The following DSCAML1 variants were observed in gnomAD, a reference collection of about 807,000 sequenced individuals.
The protein encoded by DSCAML1 is DS cell adhesion molecule like 1, also known as cell adhesion molecule DSCAML1.
DSCAML1 carries 38 observed loss-of-function variants against 200.5 expected under a neutral mutation model. That is an observed-to-expected ratio of 0.19 (90% CI 0.15 to 0.25). The LOEUF (loss-of-function observed/expected upper bound fraction) is 0.25, where lower values mean the gene tolerates loss of function less well. Among genes scored for constraint, DSCAML1 ranks in the 10% least tolerant of loss-of-function variants. The pLI, the probability that DSCAML1 is intolerant of heterozygous loss-of-function variation, is 1.00. For synonymous variants in DSCAML1, 1,215 were observed against 1,165.0 expected, an observed-to-expected ratio of 1.04 and a Z score of -0.87; for missense variants, 2,223 against 2,858.8, an observed-to-expected ratio of 0.78 and a Z score of 5.07.
In DSCAML1 at chr11:117,493,528, G is replaced by A. The variant is rs759022532; in HGVS notation, c.2359+10317C>T. ...ATGGGGTTTCACCATGTTGGCCAGG[G>A]TGGTCTCCATCTCCTGACCTCGTGA... On this transcript the variant is annotated intron_variant, in intron 11 of 32. Coordinates refer to ENST00000651296, the MANE Select transcript of DSCAML1 (RefSeq NM_020693.4). Among the ~76,000 whole-genome samples the A allele has an allele frequency of 1.1e-4, 16 of 151,966 alleles. 1 individual carries two copies. Among genetic ancestry groups the A allele is most frequent in the East Asian group, 7.7e-4 (4 of 5,170 alleles).
chr11:117,501,071 T>G (rs1365229012), intron 11 of DSCAML1, among the ~76,000 whole-genome samples: 1 of 152,166 alleles, frequency 6.6e-6, no homozygotes, highest in Non-Finnish European at 1.5e-5. Flanking sequence ...GAGGAATGGT[T>G]TCTCCTGCTG....
chr11:117,726,109 C>T (rs1029859217), intron 3 of DSCAML1, among the ~76,000 whole-genome samples: 4 of 152,202 alleles, frequency 2.6e-5, no homozygotes, highest in Admixed American at 1.3e-4. Context: ...AGAAGCAGGA[C>T]GAAGTGGGAA....
intron 3 of DSCAML1, among the ~76,000 whole-genome samples, chr11:117,563,976 T>C (rs956752456): frequency 6.6e-6 from 1 of 151,892 alleles, no homozygotes; most frequent in Non-Finnish European, 1.5e-5. Flanking sequence ...CAAGGAGAGG[T>C]GGTGAAAGTG....
chr11:117,665,949 A>T (rs771368680), intron 3 of DSCAML1, among the ~76,000 whole-genome samples: 3 of 152,156 alleles, frequency 2.0e-5, no homozygotes, highest in Non-Finnish European at 2.9e-5. Context: ...GGCACACACA[A>T]CACCAAACAC....
intron 3 of DSCAML1, among the ~76,000 whole-genome samples, chr11:117,636,004 G>A (rs2052274947): frequency 6.6e-6 from 1 of 152,092 alleles, no homozygotes; most frequent in African/African-American, 2.4e-5. Flanking sequence ...ATGCAACTGA[G>A]CTGTGTTCAG....
intron 18 of DSCAML1, among the ~76,000 whole-genome samples, chr11:117,459,940 AAGG>A (rs2048446488): frequency 6.6e-6 from 1 of 152,242 alleles, no homozygotes; most frequent in South Asian, 2.1e-4. Context: ...CAGGTCAGTG[AAGG>A]AGGACCCTCG....
chr11:117,783,316 T>C (rs1449707209), intron 1 of DSCAML1, among the ~76,000 whole-genome samples: 3 of 152,154 alleles, frequency 2.0e-5, no homozygotes, highest in South Asian at 2.1e-4. Flanking sequence ...AGACTCTACA[T>C]TGTGCCTGTA....
At chr11:117,809,969 TCA>T (rs746206517) in intron 1 of DSCAML1, among the ~76,000 whole-genome samples, 24 of 146,512 alleles carry the variant, frequency 1.6e-4, no homozygotes, top group African/African-American at 4.8e-4. Flanking sequence ...ACTCACACAT[TCA>T]CACACACTCA....
chr11:117,633,220 G>A (rs1383015835), intron 3 of DSCAML1, among the ~76,000 whole-genome samples: 1 of 152,104 alleles, frequency 6.6e-6, no homozygotes, highest in Admixed American at 6.5e-5. Flanking sequence ...GACAGTGTGT[G>A]TCTCTCTGTG....
chr11:117,727,281 G>A (rs977584915), intron 3 of DSCAML1, among the ~76,000 whole-genome samples: 15 of 152,172 alleles, frequency 9.9e-5, no homozygotes, highest in African/African-American at 3.4e-4. Context: ...AATTAGTCCC[G>A]TGAATCACTG....
intron 3 of DSCAML1, among the ~76,000 whole-genome samples, chr11:117,761,515 C>G (rs1269943260): frequency 6.6e-6 from 1 of 152,248 alleles, no homozygotes; most frequent in Admixed American, 6.5e-5. Context: ...TTTATTCTTA[C>G]TGCTATGTGA....
Position 117,444,026 on chromosome 11 carries a change from T to C in DSCAML1, c.3722A>G (p.Tyr1241Cys). Residue 1241 changes from tyrosine (Y) to cysteine (C), a missense_variant, in exon 21 of 33, where the codon TAC becomes TGC. Around this residue, in one of 7 missense-constraint regions of DSCAML1, gnomAD observed 614 missense variants for 739.1 expected, o/e 0.83. Coordinates refer to ENST00000651296, the MANE Select transcript of DSCAML1 (RefSeq NM_020693.4). Reference protein sequence around the residue: ...PGSGQPAPSEYETSPEQLFYR... With the variant: ...PGSGQPAPSECETSPEQLFYR... Reference sequence around the variant, plus strand: ...GAAGAGCTGCTCTGGACTCGTCTCGTACTCGCTGGGAGCCTGCGGGGCAGA... The same window carrying C: ...GAAGAGCTGCTCTGGACTCGTCTCGCACTCGCTGGGAGCCTGCGGGGCAGA... 6.2e-7 allele frequency: 1 copy of C among 1,612,656 alleles called. No homozygotes were observed. The highest frequency in any genetic ancestry group is 8.5e-7 in the Non-Finnish European group (1 of 1,179,084).
At chr11:117,777,035 C>A in intron 2 of DSCAML1, 98 bp from the exon 3 acceptor site, 1 of 1,288,408 alleles carries the variant, frequency 7.8e-7, no homozygotes, top group African/African-American at 1.5e-5. Flanking sequence ...CCCTCTGCTC[C>A]TTCAGCCTCA....
chr11:117,604,287 T>A (rs1396682522), intron 3 of DSCAML1, among the ~76,000 whole-genome samples: 1 of 151,382 alleles, frequency 6.6e-6, no homozygotes. Flanking sequence ...TTATGAGAAG[T>A]GGCCCAACAC....
chr11:117,621,188 C>T (rs987264210), intron 3 of DSCAML1, among the ~76,000 whole-genome samples: 2 of 152,208 alleles, frequency 1.3e-5, no homozygotes, highest in African/African-American at 4.8e-5. Context: ...AAGGCTTCTA[C>T]CACTTACTAG....
chr11:117,661,343 G>T (rs893929636), intron 3 of DSCAML1, among the ~76,000 whole-genome samples: 1 of 152,222 alleles, frequency 6.6e-6, no homozygotes, highest in Admixed American at 6.5e-5. Context: ...CTTCCCTGGG[G>T]CTTCTGCCGC....
chr11:117,646,652 G>A (rs1440506584), intron 3 of DSCAML1, among the ~76,000 whole-genome samples: 2 of 152,138 alleles, frequency 1.3e-5, no homozygotes, highest in Non-Finnish European at 2.9e-5. Flanking sequence ...CCAATCCCAT[G>A]GTTAGTGACA....
rs1449778594 is a variant in DSCAML1, at chr11:117,642,168, C to T, written c.512-109646G>A. 6.6e-6 allele frequency among the ~76,000 whole-genome samples: 1 copy of T among 152,172 alleles called. No homozygotes were observed. Among genetic ancestry groups the T allele is most frequent in the African/African-American group, 2.4e-5 (1 of 41,436 alleles). On this transcript the variant is annotated intron_variant, in intron 3 of 32. Coordinates refer to ENST00000651296, the MANE Select transcript of DSCAML1 (RefSeq NM_020693.4). The surrounding 1 kb of genome is among the most constrained non-coding windows in gnomAD (Gnocchi z 4.1). ...ACCCCAACCACACTGGATCATAAAG[C>T]CTAAAGAGCAGACGGCATGACTTAG... is the stretch of plus-strand genomic sequence containing the variant.
chr11:117,702,832 C>T (rs2053693391), intron 3 of DSCAML1, among the ~76,000 whole-genome samples: 1 of 152,058 alleles, frequency 6.6e-6, no homozygotes, highest in Admixed American at 6.5e-5. Flanking sequence ...ATGTCTTCCC[C>T]CAAAGCCTCT....
Sources: allele counts gnomAD v4.1 joint callset (sites outside exome capture counted in the v4.1 genomes callset), GRCh38; gene constraint gnomAD v4.1.1; regional missense constraint gnomAD v4.1.1; non-coding constraint Gnocchi (gnomAD v3.1); transcripts MANE v1.5; gene names NCBI Gene and HGNC (gene_info 2026-07-23, HGNC 2026-07-21).